Variants in NOS1AP observed in about 807,000 individuals in gnomAD.
The protein encoded by NOS1AP is nitric oxide synthase 1 adaptor protein.
Under a neutral mutation model 56.2 loss-of-function variants are expected in NOS1AP, and 21 were observed. The observed-to-expected ratio is 0.37, with a 90% CI of 0.26 to 0.54. The LOEUF (loss-of-function observed/expected upper bound fraction) is 0.54, where lower values mean the gene tolerates loss of function less well. NOS1AP is among the 20% of genes least tolerant of loss of function. The pLI is 0.84. For missense variants in NOS1AP, 522 were observed against 657.8 expected (o/e 0.79, Z 2.26); for synonymous variants, 270 against 274.6 (o/e 0.98, Z 0.17).
intron 4 of NOS1AP, among the ~76,000 whole-genome samples, chr1:162,316,551 G>A (rs1004652092): frequency 6.6e-6 from 1 of 152,230 alleles, no homozygotes; most frequent in South Asian, 2.1e-4. Flanking sequence ...TCCATGTGAA[G>A]AGACCCCCAA....
intron 2 of NOS1AP, among the ~76,000 whole-genome samples, chr1:162,216,284 C>A (rs935786862): frequency 1.3e-5 from 2 of 152,200 alleles, no homozygotes; most frequent in African/African-American, 4.8e-5. Context: ...AGAAGAAAAA[C>A]CCTCTTTCAC....
At chr1:162,091,841 A>G (rs192319015) in intron 1 of NOS1AP, among the ~76,000 whole-genome samples, 51 of 152,250 alleles carry the variant, frequency 3.3e-4, no homozygotes, top group African/African-American at 1.2e-3. Context: ...GTTTGCTCTA[A>G]TTGATCTGTC....
intron 1 of NOS1AP, among the ~76,000 whole-genome samples, chr1:162,101,749 G>A (rs1310625564): frequency 2.0e-5 from 3 of 152,002 alleles, no homozygotes; most frequent in Admixed American, 2.0e-4. Context: ...CTTGCCTGTT[G>A]TTGGTGAATA....
At chr1:162,151,498 G>A (rs1380410325) in intron 1 of NOS1AP, among the ~76,000 whole-genome samples, 3 of 152,014 alleles carry the variant, frequency 2.0e-5, no homozygotes, top group Non-Finnish European at 4.4e-5. Context: ...AGCTATTCTG[G>A]GTCTTTTATG....
chr1:162,181,919 A>T (rs1256091194), intron 2 of NOS1AP, among the ~76,000 whole-genome samples: 1 of 152,256 alleles, frequency 6.6e-6, no homozygotes, highest in Admixed American at 6.5e-5. Context: ...TAAGAAGGCC[A>T]GCTTTATGAA....
chr1:162,333,303 GTA>G (rs1334397659), intron 5 of NOS1AP, among the ~76,000 whole-genome samples, 178 bp downstream of exon 5: 1 of 152,136 alleles, frequency 6.6e-6, no homozygotes, highest in Non-Finnish European at 1.5e-5. Flanking sequence ...TCTGAACTTT[GTA>G]CTTAGTTACA....
At chr1:162,334,902 G>A (rs1039497921) in intron 5 of NOS1AP, among the ~76,000 whole-genome samples, 3 of 152,190 alleles carry the variant, frequency 2.0e-5, no homozygotes, top group Admixed American at 2.0e-4. Flanking sequence ...GAACCAGGGA[G>A]ACATGCAGGA....
Position 162,261,805 on chromosome 1 carries a change from C to T in NOS1AP, c.178-25539C>T, listed in dbSNP as rs145800262. Among the ~76,000 whole-genome samples, 5 of 152,176 alleles carry T rather than the reference C, an allele frequency of 3.3e-5. No individual in the cohort carries two copies. In the East Asian group the frequency reaches 7.7e-4, roughly 23 times the overall value. ...TTTGTGTCCCCAGATCTCAGCTTTG[C>T]GATGGACATAGTTCATTTGGGAGAT... On this transcript the variant is annotated intron_variant, in intron 2 of 9. Coordinates refer to ENST00000361897, the MANE Select transcript of NOS1AP (RefSeq NM_014697.3).
chr1:162,143,788 C>A (rs1031773380), intron 1 of NOS1AP, among the ~76,000 whole-genome samples: 1 of 152,086 alleles, frequency 6.6e-6, no homozygotes. Flanking sequence ...TTATGACAAC[C>A]CTGACATGTA....
intron 2 of NOS1AP, among the ~76,000 whole-genome samples, chr1:162,252,973 T>C (rs966203178): frequency 6.6e-6 from 1 of 152,214 alleles, no homozygotes; most frequent in African/African-American, 2.4e-5. Context: ...TATATGCTGG[T>C]ACATGCCTGG....
At chr1:162,120,528 G>T (rs1258071552) in intron 1 of NOS1AP, among the ~76,000 whole-genome samples, 1 of 152,234 alleles carries the variant, frequency 6.6e-6, no homozygotes, top group East Asian at 1.9e-4. Context: ...GTTCCATGTG[G>T]CTGGGAAGGC....
intron 1 of NOS1AP, among the ~76,000 whole-genome samples, chr1:162,134,038 A>T (rs929571528): frequency 2.0e-5 from 3 of 152,200 alleles, no homozygotes; most frequent in Non-Finnish European, 4.4e-5. Flanking sequence ...TAAAATTGGG[A>T]GAAAATGAAT....
intron 3 of NOS1AP, 90 bp downstream of exon 3, chr1:162,287,526 G>T (rs1186162469): frequency 1.2e-6 from 1 of 849,104 alleles, no homozygotes; most frequent in Non-Finnish European, 2.1e-6. Context: ...CACCTCCAGA[G>T]AGAATCCCTC....
At chr1:162,331,582 G>A (rs1656772774) in intron 4 of NOS1AP, among the ~76,000 whole-genome samples, 1 of 152,202 alleles carries the variant, frequency 6.6e-6, no homozygotes, top group African/African-American at 2.4e-5. Flanking sequence ...CGTAGATGAA[G>A]TTGTAGACTC....
Position 162,333,136 on chromosome 1 carries a change from G to C in NOS1AP, c.453+11G>C. 6.3e-7 allele frequency: 1 copy of C among 1,582,400 alleles called. No homozygotes were observed. The highest frequency in any genetic ancestry group is 1.1e-5 in the South Asian group (1 of 90,470). On this transcript the variant is annotated intron_variant, in intron 5 of 9. Transcript: ENST00000361897. ...AAATCCAAGAAGAAGGTAAAGAGGC[G>C]GTTGCCGTCCATCTGCTATTTTCCT... is the stretch of plus-strand genomic sequence containing the variant.
chr1:162,164,460 T>C (rs1650382396), intron 2 of NOS1AP, among the ~76,000 whole-genome samples: 2 of 152,236 alleles, frequency 1.3e-5, no homozygotes, highest in Admixed American at 1.3e-4. Context: ...CACCACTATG[T>C]ATACCCCAAT....
intron 2 of NOS1AP, among the ~76,000 whole-genome samples, chr1:162,251,407 C>G (rs1653843991): frequency 6.6e-6 from 1 of 152,066 alleles, no homozygotes; most frequent in South Asian, 2.1e-4. Flanking sequence ...TGTCCTTGTC[C>G]TGTTTCTTCA....
At chr1:162,312,898 G>A (rs544365876) in intron 4 of NOS1AP, among the ~76,000 whole-genome samples, 91 of 151,606 alleles carry the variant, frequency 6.0e-4, no homozygotes, top group African/African-American at 2.1e-3. Context: ...TATCTCAATA[G>A]ATGCAGAAAA....
At chr1:162,236,926 A>T (rs1204509734) in intron 2 of NOS1AP, among the ~76,000 whole-genome samples, 1 of 152,160 alleles carries the variant, frequency 6.6e-6, no homozygotes, top group East Asian at 1.9e-4. Flanking sequence ...GAGAAGGAAA[A>T]TGTTTCATCT....
Sources: gnomAD v4.1 joint callset for allele counts (sites outside exome capture counted in the v4.1 genomes callset) on GRCh38, gnomAD v4.1.1 for gene constraint, MANE v1.5 for transcripts, NCBI Gene and HGNC (gene_info 2026-07-23, HGNC 2026-07-21) for gene names.